Variants in BANP observed in about 807,000 individuals in gnomAD.
BANP encodes BTG3 associated nuclear protein, also known as protein BANP.
In BANP, 11 loss-of-function variants were observed where a neutral mutation model predicts 68.1. The ratio of observed to expected loss-of-function variants is 0.16; its 90% CI spans 0.10 to 0.27. BANP has a LOEUF of 0.27. Ranked by LOEUF, BANP falls within the 10% of genes least tolerant of loss-of-function variation. The pLI is 1.00. For synonymous variants in BANP, 329 were observed against 303.2 expected, an observed-to-expected ratio of 1.09 and a Z score of -0.88; for missense variants, 504 against 722.7, an observed-to-expected ratio of 0.70 and a Z score of 3.47.
Position 88,064,440 on chromosome 16 carries a change from T to G in BANP, c.1312-827T>G, listed in dbSNP as rs1454873134. On this transcript the variant is annotated intron_variant, in intron 11 of 13. Transcript: ENST00000682872. The surrounding 1 kb of genome is among the most constrained non-coding windows in gnomAD (Gnocchi z 4.5). ...TTGGAGGACAGATGTGCGCATTCAC[T>G]TAGGGTCCAAGAAATGAGTGGGCCT... Among the ~76,000 whole-genome samples the G allele has an allele frequency of 6.6e-6, 1 of 152,172 alleles. No homozygotes were observed. Among genetic ancestry groups the G allele is most frequent in the Non-Finnish European group, 1.5e-5 (1 of 68,016 alleles).
intron 11 of BANP, among the ~76,000 whole-genome samples, chr16:88,059,143 GTGCTCCTGCTGGTGTGCTGTGGTCCA>G (rs2085992096): frequency 2.4e-5 from 3 of 127,116 alleles, no homozygotes; most frequent in Non-Finnish European, 4.8e-5. Flanking sequence ...GCTGAGGTCC[GTGCTCCTGCTGGTGTGCTGTGGTCCA>G]TGCTCCTGCT....
rs146083568 is a variant in BANP at position 87,990,815 on chromosome 16, T to C, written c.362+6556T>C. Reference sequence around the variant, plus strand: ...TCTCCCTCTGTCGCCCAGGCTGGAGTGCAGTGGCGCAATCTCGGCTCACTG... The same window carrying C: ...TCTCCCTCTGTCGCCCAGGCTGGAGCGCAGTGGCGCAATCTCGGCTCACTG... On this transcript the variant is annotated intron_variant, in intron 4 of 13. Coordinates refer to ENST00000682872, the MANE Select transcript of BANP (RefSeq NM_001386991.1). Among the ~76,000 whole-genome samples the C allele has an allele frequency of 3.2e-4, 48 of 152,284 alleles. 1 individual carries two copies. Among genetic ancestry groups the C allele is most frequent in the African/African-American group, 1.0e-3 (43 of 41,556 alleles).
At chr16:88,053,082 C>T (rs964782375) in intron 11 of BANP, among the ~76,000 whole-genome samples, 1 of 152,074 alleles carries the variant, frequency 6.6e-6, no homozygotes, top group African/African-American at 2.4e-5. Context: ...TTATCACCAA[C>T]CCAACCACCC....
chr16:88,010,281 G>C (rs2152579101), intron 6 of BANP, among the ~76,000 whole-genome samples: 1 of 152,302 alleles, frequency 6.6e-6, no homozygotes, highest in East Asian at 1.9e-4. Context: ...TGCTGTGTAT[G>C]CATTTGATAA....
intron 1 of BANP, among the ~76,000 whole-genome samples, chr16:87,962,801 A>G (rs7498866): frequency 0.67 from 102,458 of 151,940 alleles, 35,333 homozygotes; most frequent in African/African-American, 0.8. Context: ...AGTCATTTAT[A>G]GTTTTCTTTC....
rs377637408 is a variant in BANP at position 88,054,586 on chromosome 16, ACAGCAC to A, written c.1312-10661_1312-10656del. On this transcript the variant is annotated intron_variant, in intron 11 of 13. Coordinates refer to ENST00000682872, the MANE Select transcript of BANP (RefSeq NM_001386991.1). ...ACTCCCAGTGCTATCACAGCCATCA[ACAGCAC>A]CAGCACCAGCACCAGCACCGTCAAG... 1.2e-3 allele frequency among the ~76,000 whole-genome samples: 177 copies of A among 152,288 alleles called. No individual in the cohort carries two copies. The South Asian group carries it at 0.02, about 17-fold the overall frequency.
At chr16:87,956,085 A>G (rs77799218) in intron 1 of BANP, among the ~76,000 whole-genome samples, 10 of 152,216 alleles carry the variant, frequency 6.6e-5, no homozygotes, top group Non-Finnish European at 1.5e-4. Context: ...GTGGTCTTGC[A>G]GCTCCCCCGT....
intron 11 of BANP, among the ~76,000 whole-genome samples, chr16:88,044,413 G>A (rs145338864): frequency 6.6e-6 from 1 of 152,356 alleles, no homozygotes; most frequent in East Asian, 1.9e-4. Context: ...TTACAAGGTC[G>A]GAACAGGTCC....
rs1234270161 is a variant in BANP at position 88,064,789 on chromosome 16, G to C, written c.1312-478G>C. ...GCTCTTGCCCGCAGGGCACTCCTCT[G>C]GCTGGGATAGGAGACAGCCAGGACC... On this transcript the variant is annotated intron_variant, in intron 11 of 13. Coordinates refer to ENST00000682872, the MANE Select transcript of BANP (RefSeq NM_001386991.1). The surrounding 1 kb of genome is among the most constrained non-coding windows in gnomAD (Gnocchi z 4.5). Among the ~76,000 whole-genome samples, 1 of 152,242 alleles carries C rather than the reference G, an allele frequency of 6.6e-6. No homozygotes were observed. The highest frequency in any genetic ancestry group is 1.5e-5 in the Non-Finnish European group (1 of 68,036).
intron 8 of BANP, 43 bp from the exon 9 acceptor site, chr16:88,033,066 A>C: frequency 1.3e-6 from 2 of 1,549,536 alleles, no homozygotes; most frequent in Non-Finnish European, 1.8e-6. Context: ...GCAATGCCTA[A>C]GAAACTTCTC....
At chr16:88,043,744 T>C (rs1028184674) in intron 11 of BANP, among the ~76,000 whole-genome samples, 1 of 152,162 alleles carries the variant, frequency 6.6e-6, no homozygotes, top group Non-Finnish European at 1.5e-5. Context: ...CAGAGATTCA[T>C]AGAGGGAGAG....
At chr16:87,964,282 G>A (rs1328146642) in intron 1 of BANP, among the ~76,000 whole-genome samples, 4 of 152,352 alleles carry the variant, frequency 2.6e-5, no homozygotes, top group African/African-American at 7.2e-5. Flanking sequence ...GGCCAGGCCC[G>A]GTGCCCTGCT....
intron 11 of BANP, 29 bp downstream of exon 11, chr16:88,038,040 G>A (rs767090616): frequency 6.2e-6 from 10 of 1,611,022 alleles, no homozygotes; most frequent in Admixed American, 3.3e-5. Flanking sequence ...ATGCACATGC[G>A]GGCGTTGCGC....
intron 6 of BANP, among the ~76,000 whole-genome samples, chr16:88,008,065 A>T (rs1015736485): frequency 6.6e-6 from 1 of 152,152 alleles, no homozygotes; most frequent in South Asian, 2.1e-4. Context: ...CACCCAGCTC[A>T]TCTCCGTCCT....
chr16:88,071,575 C>T lies in BANP; in HGVS notation c.1378-494C>T. The T allele has an allele frequency of 4.4e-6, 2 of 457,520 alleles. No homozygotes were observed. Among genetic ancestry groups the T allele is most frequent in the Non-Finnish European group, 8.8e-6 (2 of 227,584 alleles). 28.3% of individuals were successfully genotyped at this position (457,520 alleles called of 1,614,324 possible). A position where few individuals can be genotyped will look rare whatever the true frequency, so the allele number is the denominator to read the frequency against. On this transcript the variant is annotated intron_variant, in intron 12 of 13. Coordinates refer to ENST00000682872, the MANE Select transcript of BANP (RefSeq NM_001386991.1). This position sits in a 1 kb window ranked among gnomAD's most constrained non-coding sequence, Gnocchi z 6.5. Reference sequence around the variant, plus strand: ...CTGCTGGGTTCTCAGTGCCCACCAGCAGCTCCTTTGCTCTCCCTGAGCCCT... The same window carrying T: ...CTGCTGGGTTCTCAGTGCCCACCAGTAGCTCCTTTGCTCTCCCTGAGCCCT...
intron 1 of BANP, among the ~76,000 whole-genome samples, chr16:87,966,325 C>T (rs935185699): frequency 1.3e-5 from 2 of 152,156 alleles, no homozygotes; most frequent in African/African-American, 4.8e-5. Flanking sequence ...TCTGAATAGT[C>T]GTCAGAGTAA....
At chr16:87,978,952 C>G (rs891429819) in intron 2 of BANP, among the ~76,000 whole-genome samples, 8 of 152,190 alleles carry the variant, frequency 5.3e-5, no homozygotes, top group Admixed American at 2.0e-4. Context: ...AAATTGACTA[C>G]AAAAACAATG....
chr16:87,989,397 TC>T (rs1452540517), intron 4 of BANP, among the ~76,000 whole-genome samples: 5 of 152,260 alleles, frequency 3.3e-5, no homozygotes, highest in African/African-American at 1.2e-4. Context: ...ATTCGTTATG[TC>T]ACATGGTCTG....
intron 2 of BANP, among the ~76,000 whole-genome samples, chr16:87,978,285 C>A (rs775866500): frequency 5.3e-5 from 8 of 152,340 alleles, no homozygotes; most frequent in Non-Finnish European, 1.0e-4. Flanking sequence ...CCTGTGGAGT[C>A]ATTACTGGAG....
Sources: allele counts gnomAD v4.1 joint callset (sites outside exome capture counted in the v4.1 genomes callset), GRCh38; gene constraint gnomAD v4.1.1; non-coding constraint Gnocchi (gnomAD v3.1); transcripts MANE v1.5; gene names NCBI Gene and HGNC (gene_info 2026-07-23, HGNC 2026-07-21).